The following FMN1 variants were observed in gnomAD, a reference collection of about 807,000 sequenced individuals.
FMN1 encodes the protein formin-1.
A neutral mutation model predicts 132.4 loss-of-function variants in FMN1; 110 were observed. The observed-to-expected ratio is 0.83, with a 90% CI of 0.71 to 0.97. The LOEUF is 0.97. FMN1 is among the 50% of genes least tolerant of loss of function. FMN1 has a pLI of 0.00. For missense variants in FMN1, 1,792 were observed against 1,705.3 expected (o/e 1.05, Z -0.90); for synonymous variants, 722 against 651.7 (o/e 1.11, Z -1.64).
intron 15 of FMN1, among the ~76,000 whole-genome samples, chr15:32,894,179 T>C (rs547142662): frequency 2.0e-5 from 3 of 152,108 alleles, no homozygotes; most frequent in Non-Finnish European, 4.4e-5. Context: ...ACACCTGTAT[T>C]ACAGGCAGTA....
intron 5 of FMN1, among the ~76,000 whole-genome samples, chr15:33,069,770 A>T (rs2037912390): frequency 6.6e-6 from 1 of 152,200 alleles, no homozygotes; most frequent in Non-Finnish European, 1.5e-5. Flanking sequence ...TTAAACAGGT[A>T]CTTCTCTGTT....
At chr15:32,997,473 C>A (rs760424181) in intron 7 of FMN1, among the ~76,000 whole-genome samples, 4 of 152,114 alleles carry the variant, frequency 2.6e-5, no homozygotes, top group Non-Finnish European at 5.9e-5. Flanking sequence ...AGAAACCAGG[C>A]AGACCTGGTT....
intron 17 of FMN1, among the ~76,000 whole-genome samples, chr15:32,838,334 C>T (rs906950092): frequency 6.6e-6 from 1 of 152,172 alleles, no homozygotes; most frequent in Non-Finnish European, 1.5e-5. Context: ...AAAGGAAACA[C>T]AGGGCCATTG....
chr15:33,009,914 G>GT (rs1026082691), intron 6 of FMN1, among the ~76,000 whole-genome samples: 4 of 146,584 alleles, frequency 2.7e-5, no homozygotes, highest in Non-Finnish European at 4.5e-5. Flanking sequence ...TTGAGATGGA[G>GT]TTTCACTCGT....
intron 17 of FMN1, among the ~76,000 whole-genome samples, chr15:32,828,828 AAAG>A (rs1261108061): frequency 6.6e-6 from 1 of 152,352 alleles, no homozygotes; most frequent in East Asian, 1.9e-4. Context: ...TTGATACAAC[AAAG>A]GAACACGTTA....
At chr15:32,925,338 C>G (rs1223329252) in intron 10 of FMN1, among the ~76,000 whole-genome samples, 1 of 152,190 alleles carries the variant, frequency 6.6e-6, no homozygotes, top group Non-Finnish European at 1.5e-5. Flanking sequence ...ATATTATGCA[C>G]TTCTTGATAG....
chr15:32,864,203 A>T (rs2059340888), intron 16 of FMN1, among the ~76,000 whole-genome samples: 1 of 152,202 alleles, frequency 6.6e-6, no homozygotes, highest in African/African-American at 2.4e-5. Context: ...CCTGCAATAA[A>T]AAGTACCTAT....
At chr15:32,953,058 A>G (rs538787970) in intron 9 of FMN1, among the ~76,000 whole-genome samples, 3 of 152,282 alleles carry the variant, frequency 2.0e-5, no homozygotes, top group African/African-American at 7.2e-5. Context: ...CTTGGCGGCT[A>G]AGAAATCCAG....
intron 6 of FMN1, among the ~76,000 whole-genome samples, chr15:33,019,064 C>T (rs1196791588): frequency 4.6e-5 from 7 of 152,186 alleles, no homozygotes; most frequent in African/African-American, 7.2e-5. Flanking sequence ...CTGCTGGCTC[C>T]GGCAGCCTGC....
intron 4 of FMN1, among the ~76,000 whole-genome samples, chr15:33,113,131 T>C (rs1418951887): frequency 6.6e-6 from 1 of 152,194 alleles, no homozygotes; most frequent in East Asian, 1.9e-4. Flanking sequence ...TTCAAATATC[T>C]GCATTTATTG....
At chr15:33,183,744 C>G (rs946158469) in intron 2 of FMN1, among the ~76,000 whole-genome samples, 1 of 152,132 alleles carries the variant, frequency 6.6e-6, no homozygotes, top group Admixed American at 6.6e-5. Context: ...TACTAAATAA[C>G]TTTCAAAATA....
intron 10 of FMN1, among the ~76,000 whole-genome samples, chr15:32,912,482 A>G (rs369701785): frequency 9.2e-5 from 14 of 152,346 alleles, no homozygotes; most frequent in African/African-American, 3.4e-4. Context: ...AATTAATCTC[A>G]TGAAATTTAT....
chr15:32,851,041 G>A (rs774335606), intron 17 of FMN1, among the ~76,000 whole-genome samples: 3 of 151,966 alleles, frequency 2.0e-5, no homozygotes, highest in Non-Finnish European at 2.9e-5. Context: ...CTGGGTGACA[G>A]AGCAAGACTC....
intron 17 of FMN1, among the ~76,000 whole-genome samples, chr15:32,824,656 C>CAA (rs1362739056): frequency 2.0e-5 from 3 of 152,148 alleles, no homozygotes; most frequent in African/African-American, 7.2e-5. Context: ...CACAGTGGTG[C>CAA]AATCAAGGCT....
At chr15:33,090,268 A>G (rs1469202702) in intron 4 of FMN1, among the ~76,000 whole-genome samples, 1 of 152,218 alleles carries the variant, frequency 6.6e-6, no homozygotes, top group African/African-American at 2.4e-5. Flanking sequence ...AAAGCCAACC[A>G]ATGGCTTCTA....
rs1266869134 is a variant in FMN1 at position 32,901,762 on chromosome 15, C to A, written c.3507+149G>T. ...TCTCCCTCTCTCTCATACACACACA[C>A]ACGGGCAAGATAATCATCAAATTTA... On this transcript the variant is annotated intron_variant, in intron 13 of 20. Coordinates refer to ENST00000616417, the MANE Select transcript of FMN1 (RefSeq NM_001277313.2). 3.9e-5 allele frequency: 22 copies of A among 559,788 alleles called. No homozygotes were observed. The South Asian group carries it at 9.0e-4, about 23-fold the overall frequency. 34.7% of individuals were successfully genotyped at this position (559,788 alleles called of 1,614,324 possible). A position where few individuals can be genotyped will look rare whatever the true frequency, so the allele number is the denominator to read the frequency against.
At chr15:33,094,480 AGTGCAGCAG>A (rs1482285105) in intron 4 of FMN1, among the ~76,000 whole-genome samples, 2 of 152,228 alleles carry the variant, frequency 1.3e-5, no homozygotes, top group Non-Finnish European at 2.9e-5. Context: ...GTTGCACTGC[AGTGCAGCAG>A]ATCCTAAATC....
chr15:32,824,549 T>C (rs2058317072), intron 17 of FMN1, among the ~76,000 whole-genome samples: 1 of 152,288 alleles, frequency 6.6e-6, no homozygotes, highest in East Asian at 1.9e-4. Context: ...CTGGCTCTTC[T>C]TCTCCCTCTT....
At chr15:33,056,242 G>A (rs558593511) in intron 6 of FMN1, among the ~76,000 whole-genome samples, 3 of 152,172 alleles carry the variant, frequency 2.0e-5, no homozygotes, top group Non-Finnish European at 4.4e-5. Context: ...CAAAAGGCAT[G>A]TCCAAGGGTG....
Sources: gnomAD v4.1 joint callset for allele counts (sites outside exome capture counted in the v4.1 genomes callset) on GRCh38, gnomAD v4.1.1 for gene constraint, MANE v1.5 for transcripts, NCBI Gene and HGNC (gene_info 2026-07-23, HGNC 2026-07-21) for gene names.